CRAMP1: variants seen among roughly 807,000 people sequenced by gnomAD.
CRAMP1 encodes protein cramped-like.
A neutral mutation model predicts 115.4 loss-of-function variants in CRAMP1; 50 were observed. The ratio of observed to expected loss-of-function variants is 0.43; its 90% CI spans 0.35 to 0.55. CRAMP1 has a LOEUF of 0.55. Among genes scored for constraint, CRAMP1 ranks in the 20% least tolerant of loss-of-function variants. CRAMP1 has a pLI of 0.01. For missense variants in CRAMP1, 1,679 were observed against 1,721.7 expected (o/e 0.98, Z 0.44); for synonymous variants, 866 against 745.4 (o/e 1.16, Z -2.64).
chr16:1,626,412 C>T (rs1283455533), intron 3 of CRAMP1, among the ~76,000 whole-genome samples: 2 of 152,154 alleles, frequency 1.3e-5, no homozygotes, highest in Non-Finnish European at 2.9e-5. Context: ...TGTGTGTTTC[C>T]TTCATTTCCT....
intron 3 of CRAMP1, among the ~76,000 whole-genome samples, chr16:1,631,331 C>T (rs1289231464): frequency 6.6e-6 from 1 of 152,244 alleles, no homozygotes; most frequent in Non-Finnish European, 1.5e-5. Flanking sequence ...CACTGGGGAG[C>T]CTCATGCTGG....
chr16:1,661,545 G>T (rs868576833), intron 11 of CRAMP1, among the ~76,000 whole-genome samples: 2 of 151,416 alleles, frequency 1.3e-5, no homozygotes, highest in South Asian at 2.1e-4. Context: ...GACGGAGGGG[G>T]TCGGGTGAGG....
rs2036901852 is a variant in CRAMP1, at chr16:1,669,209, A to T, written c.3499+44A>T. The T allele has an allele frequency of 6.8e-7, 1 of 1,475,602 alleles. No individual in the cohort carries two copies. The highest frequency in any genetic ancestry group is 9.1e-7 in the Non-Finnish European group (1 of 1,097,614). 91.4% of individuals were successfully genotyped at this position (1,475,602 alleles called of 1,614,324 possible). ...CTCCCATCTCCTTTTCCAGGGCAGC[A>T]GGGGCTGGGGTCTGCGGGACACTGG... On this transcript the variant is annotated intron_variant, in intron 19 of 20. Transcript: ENST00000397412. The surrounding 1 kb of genome is among the most constrained non-coding windows in gnomAD (Gnocchi z 4.6).
intron 3 of CRAMP1, among the ~76,000 whole-genome samples, chr16:1,626,701 C>G (rs926883211): frequency 6.6e-6 from 1 of 152,200 alleles, no homozygotes; most frequent in Non-Finnish European, 1.5e-5. Context: ...CCAGTTTCAC[C>G]TGCATTATTG....
In CRAMP1 at chr16:1,656,443, C is replaced by T; in HGVS notation, c.1686C>T (p.Pro562=). The change falls in exon 10 of 21, where the codon CCC becomes CCT. Residue 562 remains proline (P), a synonymous_variant. Coordinates refer to ENST00000397412, the MANE Select transcript of CRAMP1 (RefSeq NM_020825.4). The surrounding 1 kb of genome is among the most constrained non-coding windows in gnomAD (Gnocchi z 5.6). ...AGCTCTCGCTTCTAGACCCCTTGCC[C>T]CGCTACCTAAAGTCCTGTCAGGACC... ...EDELSLLDPL[P]RYLKSCQDLI... is the part of the protein sequence containing the mutation. The T allele has an allele frequency of 6.3e-7, 1 of 1,584,320 alleles. No individual in the cohort carries two copies. Among genetic ancestry groups the T allele is most frequent in the Non-Finnish European group, 8.6e-7 (1 of 1,165,862 alleles).
chr16:1,670,599 C>G, intron 19 of CRAMP1, 65 bp from the exon 20 acceptor site: 1 of 1,573,792 alleles, frequency 6.4e-7, no homozygotes, highest in Non-Finnish European at 8.7e-7. Context: ...CCTCAGGACC[C>G]TTCCGCTGGA....
Position 1,656,564 on chromosome 16 carries a change from G to C in CRAMP1, c.1807G>C (p.Val603Leu), listed in dbSNP as rs777091430. The C allele has an allele frequency of 6.4e-7, 1 of 1,557,336 alleles. No individual in the cohort carries two copies. Among genetic ancestry groups the C allele is most frequent in the South Asian group, 1.2e-5 (1 of 84,562 alleles). ...GAASPEVLAPVSKEAADLAPT... is the reference protein window; with the variant it reads ...GAASPEVLAPLSKEAADLAPT... ...GGCCTCCCCAGAGGTGCTGGCTCCTGTCAGCAAGGAGGCTGCTGACCTTGC... is the reference window on the plus strand; with the variant it reads ...GGCCTCCCCAGAGGTGCTGGCTCCTCTCAGCAAGGAGGCTGCTGACCTTGC... Residue 603 changes from valine (V) to leucine (L), a missense_variant, in exon 10 of 21, where the codon GTC becomes CTC. Val to Leu is a conservative substitution (Grantham distance 32). Transcript: ENST00000397412. This position sits in a 1 kb window ranked among gnomAD's most constrained non-coding sequence, Gnocchi z 5.6.
chr16:1,655,405 A>G (rs2036762503), intron 9 of CRAMP1, 105 bp downstream of exon 9: 11 of 906,834 alleles, frequency 1.2e-5, no homozygotes, highest in Non-Finnish European at 1.8e-6. Flanking sequence ...CCCCGTGGGC[A>G]GAACAGCCAT....
At position 1,666,453 on chromosome 16, in the gene CRAMP1, C is replaced by T; in HGVS notation, c.2889C>T (p.Gly963=). The change falls in exon 16 of 21, where the codon GGC becomes GGT. Residue 963 remains glycine (G), a synonymous_variant. Coordinates refer to ENST00000397412, the MANE Select transcript of CRAMP1 (RefSeq NM_020825.4). This position sits in a 1 kb window ranked among gnomAD's most constrained non-coding sequence, Gnocchi z 5.0. ...SAIDLAATSA[G]ILSGNPLPAL... ...TCGACTTAGCAGCTACAAGTGCCGG[C>T]ATCCTTTCCGGGAACCCCCTCCCTG... 1.2e-6 allele frequency: 2 copies of T among 1,613,760 alleles called. No homozygotes were observed. Among genetic ancestry groups the T allele is most frequent in the Non-Finnish European group, 1.7e-6 (2 of 1,179,770 alleles).
rs2036962319 is a variant in CRAMP1 at position 1,675,765 on chromosome 16, C to T, written c.*1720C>T. On this transcript the variant is annotated 3_prime_UTR_variant, in exon 21 of 21. Coordinates refer to ENST00000397412, the MANE Select transcript of CRAMP1 (RefSeq NM_020825.4). ...GCTCTTGCCTGAGCTGGCTTCCCTC[C>T]TTCAGACATTGACATGAGATCTTAA... 6.6e-6 allele frequency: 1 copy of T among 152,358 alleles called. No homozygotes were observed. The highest frequency in any genetic ancestry group is 6.5e-5 in the Admixed American group (1 of 15,314). 9.4% of individuals were successfully genotyped at this position (152,358 alleles called of 1,614,324 possible).
intron 5 of CRAMP1, among the ~76,000 whole-genome samples, chr16:1,639,538 A>G (rs956315343): frequency 6.6e-6 from 1 of 152,136 alleles, no homozygotes; most frequent in Non-Finnish European, 1.5e-5. Flanking sequence ...AAAACAACCA[A>G]TCAGAAGCTA....
At chr16:1,641,042 G>A in intron 5 of CRAMP1, 97 bp from the exon 6 acceptor site, 1 of 802,686 alleles carries the variant, frequency 1.2e-6, no homozygotes, top group Non-Finnish European at 2.1e-6. Context: ...TCGGTAATGG[G>A]ATTTGAGTCT....
chr16:1,668,495 G>C (rs945653911), intron 18 of CRAMP1, among the ~76,000 whole-genome samples: 6 of 152,208 alleles, frequency 3.9e-5, no homozygotes, highest in Admixed American at 1.3e-4. Context: ...TCTTGAACCT[G>C]AGCAGGCGGC....
intron 6 of CRAMP1, among the ~76,000 whole-genome samples, chr16:1,644,071 T>C (rs1031965748): frequency 6.6e-6 from 1 of 152,146 alleles, no homozygotes; most frequent in Admixed American, 6.5e-5. Context: ...TGATGGGGAA[T>C]TTGCCCGTGT....
Position 1,614,515 on chromosome 16 carries a change from C to T in CRAMP1, c.-1-124C>T. 3 of 439,852 alleles carry T rather than the reference C, an allele frequency of 6.8e-6. No homozygotes were observed. Among genetic ancestry groups the T allele is most frequent in the Non-Finnish European group, 9.8e-6 (3 of 306,092 alleles). The allele number at this position is 439,852 out of a possible 1,614,324, so 27.2% of individuals were successfully genotyped here. ...CGGGCTCGGGCGGGCTCGGGCGGGC[C>T]GGGCCGAGCCGCCGAGAGGGGATTT... On this transcript the variant is annotated intron_variant, in intron 1 of 20. Transcript: ENST00000397412. This position sits in a 1 kb window ranked among gnomAD's most constrained non-coding sequence, Gnocchi z 4.4.
chr16:1,652,057 G>A (rs747705866), intron 6 of CRAMP1, among the ~76,000 whole-genome samples: 2 of 152,148 alleles, frequency 1.3e-5, no homozygotes, highest in Non-Finnish European at 2.9e-5. Flanking sequence ...GAGAGGTCAC[G>A]GAGAGGTAGA....
intron 6 of CRAMP1, among the ~76,000 whole-genome samples, chr16:1,642,793 T>C (rs1047472946): frequency 3.9e-5 from 6 of 152,342 alleles, no homozygotes; most frequent in African/African-American, 1.4e-4. Flanking sequence ...TTTCATTTCC[T>C]CCATGATTGA....
chr16:1,653,832 A>G (rs957830816), intron 8 of CRAMP1, among the ~76,000 whole-genome samples: 1 of 146,516 alleles, frequency 6.8e-6, no homozygotes, highest in African/African-American at 2.5e-5. Context: ...AAAAAAAAAA[A>G]AAAAACAAAC....
rs773676967 is a variant in CRAMP1, at chr16:1,656,485, G to C, written c.1728G>C (p.Gln576His). 4.4e-6 allele frequency: 7 copies of C among 1,576,468 alleles called. No individual in the cohort carries two copies. The South Asian group carries it at 7.0e-5, about 16-fold the overall frequency. ...KSCQDLIVPE[Q>H]CRCADTRPGS... ...GTCAGGACCTCATTGTCCCCGAGCA[G>C]TGCCGCTGTGCGGACACACGGCCTG... Residue 576 changes from glutamine (Q) to histidine (H), a missense_variant, in exon 10 of 21, where the codon CAG becomes CAC. Physicochemically the swap from Gln to His is conservative, Grantham distance 24. This residue lies in a region of CRAMP1 where 405 missense variants were observed against 302.6 expected (regional missense o/e 1.34). Coordinates refer to ENST00000397412, the MANE Select transcript of CRAMP1 (RefSeq NM_020825.4). This position sits in a 1 kb window ranked among gnomAD's most constrained non-coding sequence, Gnocchi z 5.6.
Sources: gnomAD v4.1 joint callset for allele counts (sites outside exome capture counted in the v4.1 genomes callset) on GRCh38, gnomAD v4.1.1 for gene constraint, gnomAD v4.1.1 regional missense constraint, Gnocchi (gnomAD v3.1) non-coding constraint, MANE v1.5 for transcripts, NCBI Gene and HGNC (gene_info 2026-07-23, HGNC 2026-07-21) for gene names.